The following PARD3B variants were observed in gnomAD, a reference collection of about 807,000 sequenced individuals.
PARD3B encodes the protein par-3 family cell polarity regulator beta, also known as partitioning defective 3 homolog B.
In PARD3B, 103 loss-of-function variants were observed where a neutral mutation model predicts 130.2. The observed-to-expected ratio is 0.79, with a 90% CI of 0.67 to 0.93. PARD3B has a LOEUF of 0.93. Ranked by LOEUF, PARD3B falls within the 40% of genes least tolerant of loss-of-function variation. PARD3B has a pLI of 0.00. For missense variants in PARD3B, 1,609 were observed against 1,499.2 expected, an observed-to-expected ratio of 1.07 and a Z score of -1.21; for synonymous variants, 583 against 553.2, an observed-to-expected ratio of 1.05 and a Z score of -0.76.
In PARD3B at chr2:205,292,802, C is replaced by G. The variant is rs978189794; in HGVS notation, c.2186-7728C>G. 5.9e-5 allele frequency among the ~76,000 whole-genome samples: 9 copies of G among 152,158 alleles called. No individual in the cohort carries two copies. Among genetic ancestry groups the G allele is most frequent in the Non-Finnish European group, 1.2e-4 (8 of 68,036 alleles). ...TTGTACAGGAAAAAAATTTAGTGAA[C>G]TGTAAAGCCACAGAAAATGTTAGTT... is the stretch of plus-strand genomic sequence containing the variant. On this transcript the variant is annotated intron_variant, in intron 16 of 22. Transcript: ENST00000406610. This position sits in a 1 kb window ranked among gnomAD's most constrained non-coding sequence, Gnocchi z 5.3.
chr2:205,174,983 T>C (rs960424681), intron 12 of PARD3B, among the ~76,000 whole-genome samples: 2 of 152,232 alleles, frequency 1.3e-5, no homozygotes, highest in Admixed American at 1.3e-4. Flanking sequence ...GACCTGATTT[T>C]GTTTTTCCTT....
intron 1 of PARD3B, among the ~76,000 whole-genome samples, chr2:204,570,743 CTGTTGT>C: frequency 6.6e-6 from 1 of 150,424 alleles, no homozygotes; most frequent in Non-Finnish European, 1.5e-5. Context: ...GGTGTATGAG[CTGTTGT>C]AACTGAGGTG....
At chr2:205,427,580 T>C (rs2047185868) in intron 19 of PARD3B, among the ~76,000 whole-genome samples, 1 of 152,206 alleles carries the variant, frequency 6.6e-6, no homozygotes, top group Admixed American at 6.5e-5. Flanking sequence ...AGAAGGCATC[T>C]AAATATATAA....
At chr2:205,114,350 CACATTTAGCACT>C (rs971892359) in intron 6 of PARD3B, among the ~76,000 whole-genome samples, 5 of 152,052 alleles carry the variant, frequency 3.3e-5, no homozygotes, top group Non-Finnish European at 5.9e-5. Flanking sequence ...ATAAGACGAC[CACATTTAGCACT>C]AGATTGATAT....
At chr2:205,535,364 A>T (rs955283127) in intron 21 of PARD3B, among the ~76,000 whole-genome samples, 2 of 152,194 alleles carry the variant, frequency 1.3e-5, no homozygotes, top group African/African-American at 4.8e-5. Flanking sequence ...TCTCCATGCC[A>T]AAAGAAGATG....
intron 1 of PARD3B, among the ~76,000 whole-genome samples, chr2:204,575,835 G>T (rs1356965390): frequency 1.3e-5 from 2 of 152,208 alleles, no homozygotes. Flanking sequence ...AGTAGAATCA[G>T]TCTTCACTGT....
At chr2:205,238,442 A>G (rs559417787) in intron 15 of PARD3B, among the ~76,000 whole-genome samples, 1 of 152,274 alleles carries the variant, frequency 6.6e-6, no homozygotes, top group South Asian at 2.1e-4. Flanking sequence ...CCCTGTCTCT[A>G]AATTTTTTTA....
chr2:204,764,669 T>G (rs2041057504), intron 2 of PARD3B, among the ~76,000 whole-genome samples: 1 of 151,356 alleles, frequency 6.6e-6, no homozygotes, highest in African/African-American at 2.4e-5. Context: ...GATATTAATC[T>G]GGGCAAGTTG....
At chr2:204,809,850 G>T (rs2042902957) in intron 2 of PARD3B, among the ~76,000 whole-genome samples, 1 of 152,060 alleles carries the variant, frequency 6.6e-6, no homozygotes, top group Non-Finnish European at 1.5e-5. Context: ...CCATTTTAAT[G>T]ATATTGATTC....
chr2:205,104,592 C>A, intron 5 of PARD3B, 78 bp downstream of exon 5: 1 of 1,026,890 alleles, frequency 9.7e-7, no homozygotes, highest in Admixed American at 1.9e-5. Flanking sequence ...ATTGTTCTTA[C>A]TTTACAAGAA....
chr2:205,440,812 TGACC>T lies in PARD3B; in HGVS notation c.3044+145_3044+148del, dbSNP rs543473748. 5.2e-4 allele frequency: 442 copies of T among 844,330 alleles called. 7 individuals are homozygous for T. Among genetic ancestry groups the T allele is most frequent in the South Asian group, 5.2e-3 (289 of 55,234 alleles). 52.3% of individuals were successfully genotyped at this position (844,330 alleles called of 1,614,324 possible). ...AGTACCCTAGACAAGTGCCATCCTTTGACCGACCTGTAAGATATCCACCATCAAA... is the reference window on the plus strand; with the variant it reads ...AGTACCCTAGACAAGTGCCATCCTTTGACCTGTAAGATATCCACCATCAAA... On this transcript the variant is annotated intron_variant, in intron 20 of 22. Coordinates refer to ENST00000406610, the MANE Select transcript of PARD3B (RefSeq NM_001302769.2). The surrounding 1 kb of genome is among the most constrained non-coding windows in gnomAD (Gnocchi z 4.2).
chr2:205,132,446 A>G (rs140765998), intron 10 of PARD3B, among the ~76,000 whole-genome samples: 90 of 151,798 alleles, frequency 5.9e-4, no homozygotes, highest in African/African-American at 1.8e-3. Context: ...CTCATTCCAA[A>G]CTCTTCATCT....
At chr2:204,931,251 A>G (rs553894045) in intron 2 of PARD3B, among the ~76,000 whole-genome samples, 18 of 152,248 alleles carry the variant, frequency 1.2e-4, no homozygotes, top group South Asian at 6.2e-4. Flanking sequence ...GCTCAGTCAA[A>G]TTTCTTCACC....
At chr2:204,900,882 C>A (rs2046829045) in intron 2 of PARD3B, among the ~76,000 whole-genome samples, 1 of 152,092 alleles carries the variant, frequency 6.6e-6, no homozygotes, top group African/African-American at 2.4e-5. Flanking sequence ...TTTACAGGTA[C>A]CATCTTGGAG....
intron 20 of PARD3B, among the ~76,000 whole-genome samples, chr2:205,469,806 T>TC (rs953987067): frequency 8.5e-5 from 13 of 152,274 alleles, no homozygotes; most frequent in African/African-American, 3.1e-4. Context: ...CGAATTTGCT[T>TC]CCCCCATTTT....
rs1223953670 is a variant in PARD3B at position 205,321,493 on chromosome 2, T to C, written c.2630+19792T>C. Among the ~76,000 whole-genome samples the C allele has an allele frequency of 6.6e-6, 1 of 151,796 alleles. No homozygotes were observed. Among genetic ancestry groups the C allele is most frequent in the African/African-American group, 2.4e-5 (1 of 41,304 alleles). Reference sequence around the variant, plus strand: ...CTCTCTCTTTCCCTCTCTCTCTCTCTCCCCCCGCCCATATGAATGTATATG... The same window carrying C: ...CTCTCTCTTTCCCTCTCTCTCTCTCCCCCCCCGCCCATATGAATGTATATG... On this transcript the variant is annotated intron_variant, in intron 18 of 22. Transcript: ENST00000406610. This position sits in a 1 kb window ranked among gnomAD's most constrained non-coding sequence, Gnocchi z 4.2.
At chr2:205,283,513 A>G (rs79804957) in intron 16 of PARD3B, among the ~76,000 whole-genome samples, 5,733 of 152,216 alleles carry the variant, frequency 0.038, 121 homozygotes, top group Middle Eastern at 0.061. Flanking sequence ...AAACATTCTT[A>G]TGAATTCAAG....
rs548396478 is a variant in PARD3B, at chr2:205,121,637, C to T, written c.853C>T (p.Leu285Phe). 3.6e-5 allele frequency: 58 copies of T among 1,614,132 alleles called. No homozygotes were observed. Among genetic ancestry groups the T allele is most frequent in the Non-Finnish European group, 4.6e-5 (54 of 1,180,006 alleles). ...RQAMKSPSVL[L>F]HVLPPQNREQ... ...GGCAATGAAATCTCCAAGTGTGCTC[C>T]TCCACGTGCTTCCTCCACAAAACCG... The change falls in exon 8 of 23, where the codon CTC becomes TTC. Residue 285 changes from leucine to phenylalanine, a missense_variant. Transcript: ENST00000406610. This position sits in a 1 kb window ranked among gnomAD's most constrained non-coding sequence, Gnocchi z 5.0.
chr2:205,532,592 C>A (rs186768559), intron 21 of PARD3B, among the ~76,000 whole-genome samples: 304 of 152,230 alleles, frequency 2.0e-3, no homozygotes, highest in African/African-American at 7.1e-3. Context: ...GCTAGTGATG[C>A]AATTATACAC....
Sources: allele counts gnomAD v4.1 joint callset (sites outside exome capture counted in the v4.1 genomes callset), GRCh38; gene constraint gnomAD v4.1.1; non-coding constraint Gnocchi (gnomAD v3.1); transcripts MANE v1.5; gene names NCBI Gene and HGNC (gene_info 2026-07-23, HGNC 2026-07-21).